Variants in AGBL1 observed in about 807,000 individuals in gnomAD.
The protein encoded by AGBL1 is cytosolic carboxypeptidase 4.
Under a neutral mutation model 118.9 loss-of-function variants are expected in AGBL1, and 130 were observed. The observed-to-expected ratio is 1.09, with a 90% CI of 0.95 to 1.26. The LOEUF (loss-of-function observed/expected upper bound fraction) is 1.26. Ranked by LOEUF, AGBL1 falls within the 50% of genes most tolerant of loss-of-function variation. AGBL1 has a pLI of 0.00. For synonymous variants in AGBL1, 555 were observed against 478.9 expected (o/e 1.16, Z -2.08); for missense variants, 1,584 against 1,298.1 (o/e 1.22, Z -3.38).
intron 23 of AGBL1, among the ~76,000 whole-genome samples, chr15:86,958,633 A>G (rs1341910099): frequency 6.6e-6 from 1 of 152,192 alleles, no homozygotes; most frequent in African/African-American, 2.4e-5. Flanking sequence ...AACTAAATGT[A>G]AAGACTCAGT....
At chr15:86,781,299 G>A (rs543088527) in intron 22 of AGBL1, among the ~76,000 whole-genome samples, 81 of 152,062 alleles carry the variant, frequency 5.3e-4, no homozygotes, top group African/African-American at 1.4e-3. Flanking sequence ...CCTGCCTTCC[G>A]TAGGGTTAAT....
downstream of AGBL1, among the ~76,000 whole-genome samples, chr15:86,917,191 C>T (rs1377176249): frequency 6.6e-6 from 1 of 152,146 alleles, no homozygotes; most frequent in Non-Finnish European, 1.5e-5. This position sits in a 1 kb window ranked among gnomAD's most constrained non-coding sequence, Gnocchi z 4.8. Flanking sequence ...CGTGGCTGCT[C>T]TCTCAGGCTC....
chr15:86,664,442 T>A (rs547912264), intron 21 of AGBL1, among the ~76,000 whole-genome samples: 1 of 152,314 alleles, frequency 6.6e-6, no homozygotes, highest in African/African-American at 2.4e-5. Context: ...TATACACACT[T>A]AATTCAAGTT....
intron 22 of AGBL1, among the ~76,000 whole-genome samples, chr15:86,808,813 G>T (rs748454186): frequency 6.7e-6 from 1 of 149,794 alleles, no homozygotes; most frequent in Non-Finnish European, 1.5e-5. Context: ...TTCTTTAACT[G>T]CTTGCAATTC....
intron 18 of AGBL1, among the ~76,000 whole-genome samples, chr15:86,463,532 G>A (rs1273868153): frequency 6.6e-6 from 1 of 151,978 alleles, no homozygotes; most frequent in Non-Finnish European, 1.5e-5. Context: ...TATCCTGAAT[G>A]GTATTACTTA....
At chr15:86,313,427 A>C (rs1260332667) in intron 17 of AGBL1, among the ~76,000 whole-genome samples, 1 of 152,230 alleles carries the variant, frequency 6.6e-6, no homozygotes, top group African/African-American at 2.4e-5. Flanking sequence ...GCAGTTTCTT[A>C]AGTTGTTATG....
At chr15:86,082,363 C>T (rs1300615996) in intron 1 of AGBL1, among the ~76,000 whole-genome samples, 1 of 152,194 alleles carries the variant, frequency 6.6e-6, no homozygotes, top group South Asian at 2.1e-4. Context: ...TTCTTGTGCA[C>T]AAGGTGACAG....
At chr15:86,699,488 G>A (rs1025625610) in intron 22 of AGBL1, among the ~76,000 whole-genome samples, 50 of 151,986 alleles carry the variant, frequency 3.3e-4, no homozygotes, top group African/African-American at 1.2e-3. Flanking sequence ...GATTCATTTC[G>A]TTTTCAAATC....
At chr15:86,537,645 T>A (rs1001904155) in intron 19 of AGBL1, among the ~76,000 whole-genome samples, 1 of 152,214 alleles carries the variant, frequency 6.6e-6, no homozygotes, top group Non-Finnish European at 1.5e-5. Flanking sequence ...TCTTCATCAC[T>A]CGTCCATCAA....
At chr15:86,875,410 T>A (rs777917872) in intron 22 of AGBL1, among the ~76,000 whole-genome samples, 6 of 152,342 alleles carry the variant, frequency 3.9e-5, no homozygotes, top group South Asian at 2.1e-4. Context: ...AATTGGATTT[T>A]TTTTAAAAAA....
intron 22 of AGBL1, among the ~76,000 whole-genome samples, chr15:86,802,063 ATAGT>A (rs1197831317): frequency 6.6e-6 from 1 of 152,096 alleles, no homozygotes; most frequent in African/African-American, 2.4e-5. Context: ...ATTTTTGATG[ATAGT>A]TAGGGATTTA....
intron 23 of AGBL1, among the ~76,000 whole-genome samples, chr15:86,968,957 T>C (rs928913192): frequency 4.6e-5 from 7 of 151,846 alleles, no homozygotes; most frequent in Admixed American, 3.3e-4. Context: ...CTTATAACCT[T>C]GTCGCCACAC....
At chr15:86,241,370 G>A (rs1233527113) in intron 6 of AGBL1, among the ~76,000 whole-genome samples, 2 of 152,160 alleles carry the variant, frequency 1.3e-5, no homozygotes, top group Non-Finnish European at 2.9e-5. Flanking sequence ...TAATGGACTT[G>A]TAAGAATGTT....
chr15:86,744,192 G>A (rs2077721331), intron 22 of AGBL1, among the ~76,000 whole-genome samples: 1 of 152,076 alleles, frequency 6.6e-6, no homozygotes, highest in Non-Finnish European at 1.5e-5. Context: ...GTTAAGGCAG[G>A]ACTTCCTATT....
chr15:86,433,125 T>G (rs1419686938), intron 18 of AGBL1, among the ~76,000 whole-genome samples: 1 of 152,174 alleles, frequency 6.6e-6, no homozygotes, highest in African/African-American at 2.4e-5. Flanking sequence ...GTCAGTGGCC[T>G]GGGAGGACTG....
chr15:86,420,957 A>G (rs759919242), intron 18 of AGBL1, among the ~76,000 whole-genome samples: 2 of 152,230 alleles, frequency 1.3e-5, no homozygotes. Context: ...ATATGGGACT[A>G]TGTGAAAAGA....
At chr15:86,099,923 G>A (rs1896612109) in intron 1 of AGBL1, among the ~76,000 whole-genome samples, 1 of 152,244 alleles carries the variant, frequency 6.6e-6, no homozygotes, top group Non-Finnish European at 1.5e-5. Context: ...CTTAGAAGAA[G>A]GGATTTCAGT....
chr15:86,346,840 G>A (rs542478066), intron 17 of AGBL1, among the ~76,000 whole-genome samples: 2 of 152,328 alleles, frequency 1.3e-5, no homozygotes, highest in South Asian at 4.1e-4. Flanking sequence ...TGGAAGCTTT[G>A]AGAATCCATG....
chr15:86,959,742 C>T (rs1701534420), intron 23 of AGBL1, among the ~76,000 whole-genome samples: 1 of 152,040 alleles, frequency 6.6e-6, no homozygotes, highest in Non-Finnish European at 1.5e-5. Flanking sequence ...CATCTCTGTG[C>T]TCATTTGCTT....
Sources: allele counts gnomAD v4.1 joint callset (sites outside exome capture counted in the v4.1 genomes callset), GRCh38; gene constraint gnomAD v4.1.1; non-coding constraint Gnocchi (gnomAD v3.1); transcripts MANE v1.5; gene names NCBI Gene and HGNC (gene_info 2026-07-23, HGNC 2026-07-21).